Variants in DTL observed in about 807,000 individuals in gnomAD.
The protein encoded by DTL is denticleless protein homolog.
DTL carries 46 observed loss-of-function variants against 87.0 expected under a neutral mutation model. The ratio of observed to expected loss-of-function variants is 0.53; its 90% CI spans 0.42 to 0.68. DTL has a LOEUF of 0.68. DTL is among the 30% of genes least tolerant of loss of function. The pLI, the probability that DTL is intolerant of heterozygous loss-of-function variation, is 0.00. For synonymous variants in DTL, 308 were observed against 311.2 expected (o/e 0.99, Z 0.11); for missense variants, 737 against 869.4 (o/e 0.85, Z 1.91).
At position 212,080,698 on chromosome 1, in the gene DTL, T is replaced by G. The variant is rs749694888; in HGVS notation, c.1209T>G (p.Leu403=). The G allele has an allele frequency of 1.7e-5, 27 of 1,613,592 alleles. No homozygotes were observed. Among genetic ancestry groups the G allele is most frequent in the Non-Finnish European group, 2.0e-5 (24 of 1,179,680 alleles). The change falls in exon 13 of 15, where the codon CTT becomes CTG. Residue 403 remains leucine, a synonymous_variant. Coordinates refer to ENST00000366991, the MANE Select transcript of DTL (RefSeq NM_016448.4). ...GLEEKPGGDK[L]STVGWASQKK... is the part of the protein sequence containing the mutation. Reference sequence around the variant, plus strand: ...AGGAGAAACCAGGAGGTGATAAACTTTCCACGGTGGGTTGGGCCTCTCAGA... The same window carrying G: ...AGGAGAAACCAGGAGGTGATAAACTGTCCACGGTGGGTTGGGCCTCTCAGA...
chr1:212,102,951 G>C lies in DTL; in HGVS notation c.*11G>C. ...TCAACAGAATTATAGATTCTAATCT[G>C]AGTGAGTTACTGAGCTTTGGTCCAC... On this transcript the variant is annotated 3_prime_UTR_variant, in exon 15 of 15. Coordinates refer to ENST00000366991, the MANE Select transcript of DTL (RefSeq NM_016448.4). The C allele has an allele frequency of 6.6e-7, 1 of 1,509,962 alleles. No homozygotes were observed. Among genetic ancestry groups the C allele is most frequent in the East Asian group, 2.3e-5 (1 of 43,630 alleles). 93.5% of individuals were successfully genotyped at this position (1,509,962 alleles called of 1,614,324 possible).
rs142607432 is a variant in DTL at position 212,048,545 on chromosome 1, A to T, written c.460+1128A>T. On this transcript the variant is annotated intron_variant, in intron 5 of 14. Transcript: ENST00000366991. ...ACTATTACTTAAAATTGATTTTCCTATGTTTATATTGTTATAATGGACAAG... is the reference window on the plus strand; with the variant it reads ...ACTATTACTTAAAATTGATTTTCCTTTGTTTATATTGTTATAATGGACAAG... Among the ~76,000 whole-genome samples the T allele has an allele frequency of 3.0e-4, 46 of 152,284 alleles. No homozygotes were observed. In the East Asian group the frequency reaches 8.5e-3, roughly 28 times the overall value.
At chr1:212,062,119 G>A (rs914861662) in intron 5 of DTL, among the ~76,000 whole-genome samples, 1 of 152,104 alleles carries the variant, frequency 6.6e-6, no homozygotes, top group Admixed American at 6.5e-5. Context: ...CCATAAATAT[G>A]TAAAATACTA....
intron 10 of DTL, among the ~76,000 whole-genome samples, chr1:212,069,016 GCTCAGCTTTTTTC>G (rs1558081454): frequency 6.6e-6 from 1 of 152,078 alleles, no homozygotes; most frequent in Admixed American, 6.6e-5. Flanking sequence ...AAGTGCTTCT[GCTCAGCTTTTTTC>G]CTCTTTAGGG....
chr1:212,078,947 G>A (rs1654914265), intron 12 of DTL, among the ~76,000 whole-genome samples: 1 of 152,124 alleles, frequency 6.6e-6, no homozygotes, highest in Admixed American at 6.5e-5. Flanking sequence ...GTTATTCTGG[G>A]TTCTACAGGA....
intron 5 of DTL, among the ~76,000 whole-genome samples, chr1:212,054,762 T>C (rs1300585160): frequency 7.9e-6 from 1 of 125,938 alleles, no homozygotes; most frequent in African/African-American, 3.1e-5. Flanking sequence ...GCCACTGCAC[T>C]CCAGCCTGGG....
chr1:212,104,268 T>TCTGTGTAGACTTTATGTCAGTA lies in DTL; in HGVS notation c.*1328_*1329insCTGTGTAGACTTTATGTCAGTA, dbSNP rs71137717. Reference sequence around the variant, plus strand: ...AGGACTGTGTAGACTTTATGTCAGTTTTTGTCATTATTTGAAAATCTATTC... The same window carrying TCTGTGTAGACTTTATGTCAGTA: ...AGGACTGTGTAGACTTTATGTCAGTTCTGTGTAGACTTTATGTCAGTATTTGTCATTATTTGAAAATCTATTC... On this transcript the variant is annotated 3_prime_UTR_variant, in exon 15 of 15. Coordinates refer to ENST00000366991, the MANE Select transcript of DTL (RefSeq NM_016448.4). 6.6e-6 allele frequency: 1 copy of TCTGTGTAGACTTTATGTCAGTA among 152,170 alleles called. No individual in the cohort carries two copies. Among genetic ancestry groups the TCTGTGTAGACTTTATGTCAGTA allele is most frequent in the Admixed American group, 6.5e-5 (1 of 15,286 alleles). The allele number at this position is 152,170 out of a possible 1,614,324, so 9.4% of individuals were successfully genotyped here.
At chr1:212,047,767 C>T (rs1260641970) in intron 5 of DTL, among the ~76,000 whole-genome samples, 1 of 152,212 alleles carries the variant, frequency 6.6e-6, no homozygotes, top group African/African-American at 2.4e-5. Flanking sequence ...AACTCCTGAG[C>T]TCAGGCAATC....
chr1:212,063,551 A>G (rs958738178), intron 6 of DTL, among the ~76,000 whole-genome samples: 2 of 152,130 alleles, frequency 1.3e-5, no homozygotes, highest in Non-Finnish European at 2.9e-5. Context: ...CTGGCCTCCC[A>G]AAGTGCTGAA....
chr1:212,082,452 G>A (rs888904729), intron 13 of DTL, among the ~76,000 whole-genome samples: 1 of 152,166 alleles, frequency 6.6e-6, no homozygotes, highest in Non-Finnish European at 1.5e-5. Context: ...CACAGTGATT[G>A]GCAGGATCGT....
intron 3 of DTL, among the ~76,000 whole-genome samples, chr1:212,046,457 A>G (rs1391838083): frequency 6.6e-6 from 1 of 152,094 alleles, no homozygotes; most frequent in African/African-American, 2.4e-5. Flanking sequence ...CTCCCCCTCA[A>G]GAGGCCCCAG....
At chr1:212,095,821 T>C in intron 13 of DTL, among the ~76,000 whole-genome samples, 1 of 152,206 alleles carries the variant, frequency 6.6e-6, no homozygotes, top group Non-Finnish European at 1.5e-5. Flanking sequence ...TCAGGGATAT[T>C]GGTCTGTAGT....
At chr1:212,068,791 C>T in intron 10 of DTL, 88 bp downstream of exon 10, 1 of 807,350 alleles carries the variant, frequency 1.2e-6, no homozygotes, top group South Asian at 1.7e-5. Context: ...TTCTTCTAAA[C>T]TGAACTTATT....
At chr1:212,061,997 A>T (rs1464467678) in intron 5 of DTL, among the ~76,000 whole-genome samples, 1 of 152,202 alleles carries the variant, frequency 6.6e-6, no homozygotes, top group Non-Finnish European at 1.5e-5. Flanking sequence ...AGAAGAGAGA[A>T]CTTAAAATGT....
At chr1:212,065,460 CAT>C (rs768214239) in intron 7 of DTL, among the ~76,000 whole-genome samples, 6 of 151,768 alleles carry the variant, frequency 4.0e-5, no homozygotes, top group Non-Finnish European at 8.8e-5. Context: ...TTGAGATAGC[CAT>C]CACTTCAAAT....
intron 11 of DTL, among the ~76,000 whole-genome samples, chr1:212,076,961 A>G (rs185213082): frequency 8.9e-4 from 136 of 152,258 alleles, no homozygotes; most frequent in Non-Finnish European, 1.4e-3. Flanking sequence ...TAATTATTGC[A>G]TATGTACCAT....
intron 8 of DTL, among the ~76,000 whole-genome samples, chr1:212,067,289 A>G (rs567686758): frequency 6.6e-6 from 1 of 152,258 alleles, no homozygotes; most frequent in Admixed American, 6.5e-5. Flanking sequence ...AAGAAATCTG[A>G]TTCTGGGGAT....
Position 212,072,135 on chromosome 1 carries a change from T to C in DTL, c.957T>C (p.Phe319=), listed in dbSNP as rs142217683. ...AIFNGHQNST[F]YVKSSLSPDD... ...TCAATGGACACCAGAACTCTACCTT[T>C]TATGTAAAATCCAGCCTTAGTCCAG... is the stretch of plus-strand genomic sequence containing the variant. The change falls in exon 11 of 15, where the codon TTT becomes TTC. Residue 319 remains phenylalanine, a synonymous_variant. Coordinates refer to ENST00000366991, the MANE Select transcript of DTL (RefSeq NM_016448.4). 3.1e-4 allele frequency: 498 copies of C among 1,613,980 alleles called. 1 individual carries two copies. The highest frequency in any genetic ancestry group is 3.8e-4 in the Non-Finnish European group (449 of 1,179,970).
intron 12 of DTL, among the ~76,000 whole-genome samples, chr1:212,079,959 C>G (rs1404177127): frequency 6.6e-6 from 1 of 152,204 alleles, no homozygotes; most frequent in Non-Finnish European, 1.5e-5. Flanking sequence ...ACAAGCTCTT[C>G]AAGCTGGACT....
Sources: allele counts gnomAD v4.1 joint callset (sites outside exome capture counted in the v4.1 genomes callset), GRCh38; gene constraint gnomAD v4.1.1; transcripts MANE v1.5; gene names NCBI Gene and HGNC (gene_info 2026-07-23, HGNC 2026-07-21).